The following SLC27A5 variants were observed in gnomAD, a reference collection of about 807,000 sequenced individuals.
The protein encoded by SLC27A5 is solute carrier family 27 member 5.
Under a neutral mutation model 63.1 loss-of-function variants are expected in SLC27A5, and 47 were observed. That is an observed-to-expected ratio of 0.74 (90% CI 0.59 to 0.95). The LOEUF is 0.95. SLC27A5 is among the 40% of genes least tolerant of loss of function. SLC27A5 has a pLI of 0.00. For missense variants in SLC27A5, 940 were observed against 921.0 expected (o/e 1.02, Z -0.27); for synonymous variants, 391 against 403.8 (o/e 0.97, Z 0.38).
intron 3 of SLC27A5, among the ~76,000 whole-genome samples, chr19:58,506,536 C>T (rs180904712): frequency 6.6e-6 from 1 of 152,092 alleles, no homozygotes; most frequent in East Asian, 1.9e-4. Context: ...GAGACTGTGT[C>T]TCAAAAACAA....
chr19:58,501,877 A>G (rs1202386924), intron 3 of SLC27A5, among the ~76,000 whole-genome samples: 2 of 152,180 alleles, frequency 1.3e-5, no homozygotes, highest in South Asian at 4.1e-4. Context: ...GGGTTTCACC[A>G]TGTTGGCCAG....
rs1435749478 is a variant in SLC27A5 at position 58,511,280 on chromosome 19, C to A, written c.676G>T (p.Val226Leu). 1 of 1,547,746 alleles carries A rather than the reference C, an allele frequency of 6.5e-7. No individual in the cohort carries two copies. The highest frequency in any genetic ancestry group is 1.2e-5 in the South Asian group (1 of 83,150). Reference protein sequence around the residue: ...SVLSSGARVLVVDPDLRESLE... With the variant: ...SVLSSGARVLLVDPDLRESLE... ...CCAAGGCCCTCACCTGGGTCCACCA[C>A]CAGCACCCGGGCCCCAGAGCTCAGC... The change falls in exon 1 of 10, where the codon GTG becomes TTG. Residue 226 changes from valine (V) to leucine (L), a missense_variant. Coordinates refer to ENST00000263093, the MANE Select transcript of SLC27A5 (RefSeq NM_012254.3).
In SLC27A5 at chr19:58,500,439, A is replaced by C. The variant is rs373847681; in HGVS notation, c.1378-10T>G. ...CAAAGGGGGACAGCATCTGGGGTGG[A>C]GGGTGGAGTGTTGACATAGGTCCTG... On this transcript the variant is annotated splice_polypyrimidine_tract_variant and intron_variant, in intron 5 of 9. Coordinates refer to ENST00000263093, the MANE Select transcript of SLC27A5 (RefSeq NM_012254.3). The C allele has an allele frequency of 1.8e-5, 29 of 1,613,632 alleles. No individual in the cohort carries two copies. The African/African-American group carries it at 3.5e-4, about 19-fold the overall frequency.
chr19:58,501,282 T>G lies in SLC27A5; in HGVS notation c.1182+4A>C. 1.9e-6 allele frequency: 3 copies of G among 1,612,646 alleles called. No homozygotes were observed. Among genetic ancestry groups the G allele is most frequent in the Non-Finnish European group, 2.5e-6 (3 of 1,179,108 alleles). On this transcript the variant is annotated splice_donor_region_variant and intron_variant, in intron 4 of 9. Transcript: ENST00000263093. ...ACCATGGAGCCCTAATCTTAGAGCCTCACCTGGGGAATGTTACACAAGTAC... is the reference window on the plus strand; with the variant it reads ...ACCATGGAGCCCTAATCTTAGAGCCGCACCTGGGGAATGTTACACAAGTAC...
In SLC27A5 at chr19:58,511,557, C is replaced by A. The variant is rs371223810; in HGVS notation, c.399G>T (p.Leu133Phe). ...RARAQPGRALLVWTGPGAGSV... is the reference protein window; with the variant it reads ...RARAQPGRALFVWTGPGAGSV... ...AGCCGGCCCCAGGCCCCGTCCACAC[C>A]AAGAGTGCCCTGCCAGGCTGCGCTC... Residue 133 changes from leucine to phenylalanine, a missense_variant, in exon 1 of 10, where the codon TTG becomes TTT. By Grantham distance (22) the Leu-to-Phe change is conservative. Coordinates refer to ENST00000263093, the MANE Select transcript of SLC27A5 (RefSeq NM_012254.3). The A allele has an allele frequency of 1.9e-6, 3 of 1,562,982 alleles. No individual in the cohort carries two copies. The highest frequency in any genetic ancestry group is 2.6e-6 in the Non-Finnish European group (3 of 1,150,612).
At chr19:58,499,357 C>T (rs1877328512) in intron 7 of SLC27A5, 135 bp downstream of exon 7, 1 of 1,326,672 alleles carries the variant, frequency 7.5e-7, no homozygotes, top group Admixed American at 2.2e-5. Flanking sequence ...GCCCCGCCTT[C>T]GCGTGAGAAG....
Position 58,498,708 on chromosome 19 carries a change from A to G in SLC27A5, c.1897-17T>C, listed in dbSNP as rs1389835335. Reference sequence around the variant, plus strand: ...CATGGCGTCCTGCAGGGCAGTGACCATGGTCCAATCACTGTGACATCCACC... The same window carrying G: ...CATGGCGTCCTGCAGGGCAGTGACCGTGGTCCAATCACTGTGACATCCACC... On this transcript the variant is annotated splice_polypyrimidine_tract_variant and intron_variant, in intron 9 of 9. Transcript: ENST00000263093. The G allele has an allele frequency of 1.2e-5, 19 of 1,612,500 alleles. No individual in the cohort carries two copies. Among genetic ancestry groups the G allele is most frequent in the Non-Finnish European group, 1.4e-5 (17 of 1,178,798 alleles).
At chr19:58,502,357 G>A (rs569446899) in intron 3 of SLC27A5, among the ~76,000 whole-genome samples, 43 of 149,172 alleles carry the variant, frequency 2.9e-4, no homozygotes, top group Middle Eastern at 3.5e-3. Context: ...ATGGATGGGT[G>A]GACAGTTAGA....
intron 3 of SLC27A5, among the ~76,000 whole-genome samples, chr19:58,505,150 A>G (rs2053330943): frequency 7.0e-6 from 1 of 142,560 alleles, no homozygotes. Flanking sequence ...CACAGGCTGG[A>G]ATGCAATGGC....
Position 58,511,438 on chromosome 19 carries a change from TC to T in SLC27A5, c.517del (p.Glu173SerfsTer46). ...LGDPASLCAGEPTALLVLASQ... is the reference protein window; with the variant it reads ...LGDPASLCAGXPTALLVLASQ... ...AGCCAGCACAAGGAGGGCAGTAGGC[TC>T]CCCGGCACACAGGCTCGCAGGGTCA... is the stretch of plus-strand genomic sequence containing the variant. On this transcript the variant is annotated frameshift_variant, in exon 1 of 10. Coordinates refer to ENST00000263093, the MANE Select transcript of SLC27A5 (RefSeq NM_012254.3). LOFTEE classifies it high-confidence loss of function. The T allele has an allele frequency of 6.2e-7, 1 of 1,602,686 alleles. No individual in the cohort carries two copies. Among genetic ancestry groups the T allele is most frequent in the Non-Finnish European group, 8.5e-7 (1 of 1,174,982 alleles).
In SLC27A5 at chr19:58,511,367, G is replaced by T. The variant is rs1308686810; in HGVS notation, c.589C>A (p.Leu197Met). 14 of 1,606,060 alleles carry T rather than the reference G, an allele frequency of 8.7e-6. No homozygotes were observed. The highest frequency in any genetic ancestry group is 1.3e-5 in the African/African-American group (1 of 74,852). ...TTGATCCAGGCTGTTGGGCAGCCCA[G>T]CTTGGCCAGCCCCAGCCACATACAC... Reference protein sequence around the residue: ...ALCMWLGLAKLGCPTAWINPH... With the variant: ...ALCMWLGLAKMGCPTAWINPH... The change falls in exon 1 of 10, where the codon CTG (leucine) becomes ATG (methionine). Residue 197 changes from leucine to methionine, a missense_variant. Transcript: ENST00000263093.
chr19:58,503,776 CTGTT>C (rs1568629765), intron 3 of SLC27A5, among the ~76,000 whole-genome samples: 1 of 151,728 alleles, frequency 6.6e-6, no homozygotes, highest in African/African-American at 2.4e-5. Flanking sequence ...AATGGGGAGA[CTGTT>C]TAATTGTTAA....
chr19:58,509,493 G>A (rs1439964748), intron 3 of SLC27A5: 1 of 195,320 alleles, frequency 5.1e-6, no homozygotes, highest in East Asian at 1.2e-4. Context: ...AGTCCAGAGA[G>A]ACAGCCCTGT....
intron 4 of SLC27A5, 67 bp downstream of exon 4, chr19:58,501,219 C>T: frequency 6.4e-7 from 1 of 1,572,936 alleles, no homozygotes; most frequent in Admixed American, 1.8e-5. Context: ...TGAATCTTTA[C>T]CTGAGACCTT....
rs779052835 is a variant in SLC27A5, at chr19:58,510,691, G to A, written c.898+30C>T. 4 of 1,545,574 alleles carry A rather than the reference G, an allele frequency of 2.6e-6. No homozygotes were observed. The Admixed American group carries it at 5.6e-5, about 22-fold the overall frequency. ...GTCAGGTCAGCCTGAGAGTTCAGAG[G>A]CTGGTGCTAGGGCTAATGGGCACCC... On this transcript the variant is annotated intron_variant, in intron 2 of 9. Transcript: ENST00000263093.
At chr19:58,505,091 AT>A (rs2053329693) in intron 3 of SLC27A5, among the ~76,000 whole-genome samples, 1 of 131,932 alleles carries the variant, frequency 7.6e-6, no homozygotes, top group Non-Finnish European at 1.6e-5. Context: ...TCATCAAACT[AT>A]TTTCACTTTT....
chr19:58,511,383 C>A lies in SLC27A5; in HGVS notation c.573G>T (p.Trp191Cys), dbSNP rs778252708. The change falls in exon 1 of 10, where the codon TGG becomes TGT. Residue 191 changes from tryptophan (W) to cysteine (C), a missense_variant. Transcript: ENST00000263093. Reference sequence around the variant, plus strand: ...GGCAGCCCAGCTTGGCCAGCCCCAGCCACATACACAGGGCTGGAACGGCCT... The same window carrying A: ...GGCAGCCCAGCTTGGCCAGCCCCAGACACATACACAGGGCTGGAACGGCCT... ...ASQAVPALCM[W>C]LGLAKLGCPT... is the part of the protein sequence containing the mutation. 1.9e-6 allele frequency: 3 copies of A among 1,608,954 alleles called. No individual in the cohort carries two copies. The highest frequency in any genetic ancestry group is 3.4e-5 in the Admixed American group (2 of 59,662).
intron 3 of SLC27A5, among the ~76,000 whole-genome samples, chr19:58,503,342 T>C (rs1184106256): frequency 2.6e-5 from 4 of 151,566 alleles, no homozygotes; most frequent in Admixed American, 1.3e-4. Context: ...TATGGTTGTA[T>C]TGACGTATGG....
chr19:58,504,494 CA>C (rs1301394383), intron 3 of SLC27A5, among the ~76,000 whole-genome samples: 1 of 141,358 alleles, frequency 7.1e-6, no homozygotes, highest in Non-Finnish European at 1.5e-5. Flanking sequence ...ACTAAAAATA[CA>C]AAAATTAGCC....
Sources: allele counts gnomAD v4.1 joint callset (sites outside exome capture counted in the v4.1 genomes callset), GRCh38; gene constraint gnomAD v4.1.1; transcripts MANE v1.5; gene names NCBI Gene and HGNC (gene_info 2026-07-23, HGNC 2026-07-21).